Variants in SORCS3 observed in about 807,000 individuals in gnomAD.
The protein encoded by SORCS3 is VPS10 domain-containing receptor SorCS3.
Under a neutral mutation model 146.3 loss-of-function variants are expected in SORCS3, and 57 were observed. That is an observed-to-expected ratio of 0.39 (90% CI 0.31 to 0.49). SORCS3 has a LOEUF of 0.49. Ranked by LOEUF, SORCS3 falls within the 20% of genes least tolerant of loss-of-function variation. SORCS3 has a pLI of 0.92. For missense variants in SORCS3, 1,341 were observed against 1,575.5 expected (o/e 0.85, Z 2.52); for synonymous variants, 653 against 618.5 (o/e 1.06, Z -0.83).
chr10:105,188,501 T>C (rs1382375628), intron 14 of SORCS3, among the ~76,000 whole-genome samples: 1 of 152,122 alleles, frequency 6.6e-6, no homozygotes. Flanking sequence ...AATGCCCTGA[T>C]GAAATTAATA....
intron 7 of SORCS3, among the ~76,000 whole-genome samples, chr10:105,106,517 A>G (rs1307446838): frequency 6.6e-6 from 1 of 152,200 alleles, no homozygotes; most frequent in Non-Finnish European, 1.5e-5. Context: ...ACACTCTCTG[A>G]GAATGGTGAT....
At chr10:104,746,275 T>G (rs1001980872) in intron 1 of SORCS3, among the ~76,000 whole-genome samples, 3 of 151,994 alleles carry the variant, frequency 2.0e-5, no homozygotes, top group African/African-American at 7.2e-5. Context: ...TAGCTGGGAC[T>G]ACAGGTGCCC....
intron 7 of SORCS3, among the ~76,000 whole-genome samples, chr10:105,132,226 C>A (rs1016976548): frequency 6.6e-6 from 1 of 152,066 alleles, no homozygotes; most frequent in Non-Finnish European, 1.5e-5. Flanking sequence ...AACGTGTACA[C>A]AGGAATGGTT....
At chr10:105,242,841 T>TATTTTATATATAAATTATATATATATA (rs375286268) in intron 20 of SORCS3, among the ~76,000 whole-genome samples, 4 of 104,496 alleles carry the variant, frequency 3.8e-5, no homozygotes, top group Non-Finnish European at 6.8e-5. Flanking sequence ...TATATATATA[T>TATTTTATATATAAATTATATATATATA]TTTTATATAT....
intron 14 of SORCS3, among the ~76,000 whole-genome samples, chr10:105,189,429 C>T (rs1482543186): frequency 1.3e-5 from 2 of 152,176 alleles, no homozygotes; most frequent in African/African-American, 2.4e-5. Context: ...ACTGGTAGTG[C>T]ACATCTGTAG....
rs79237925 is a variant in SORCS3 at position 104,979,116 on chromosome 10, A to G, written c.954+1623A>G. Among the ~76,000 whole-genome samples the G allele has an allele frequency of 9.4e-3, 1,431 of 152,196 alleles. 24 individuals carry two copies. The highest frequency in any genetic ancestry group is 0.033 in the African/African-American group (1,383 of 41,502). On this transcript the variant is annotated intron_variant, in intron 4 of 26. Coordinates refer to ENST00000369701, the MANE Select transcript of SORCS3 (RefSeq NM_014978.3). Reference sequence around the variant, plus strand: ...CCCTTTTGATGTTCTTTTTCGTAGCACTATGTATCCCTCATTCAGAACACT... The same window carrying G: ...CCCTTTTGATGTTCTTTTTCGTAGCGCTATGTATCCCTCATTCAGAACACT...
chr10:105,232,270 G>A (rs1011438774), intron 20 of SORCS3, among the ~76,000 whole-genome samples: 1 of 152,070 alleles, frequency 6.6e-6, no homozygotes, highest in Non-Finnish European at 1.5e-5. Context: ...AGTTTTAACA[G>A]ATTGTGTCTT....
At chr10:105,166,772 T>C (rs1260493329) in intron 12 of SORCS3, among the ~76,000 whole-genome samples, 1 of 152,196 alleles carries the variant, frequency 6.6e-6, no homozygotes, top group Non-Finnish European at 1.5e-5. Flanking sequence ...TTTCAATTAT[T>C]AGTTTTACCA....
At chr10:104,757,869 A>G (rs1565417) in intron 1 of SORCS3, among the ~76,000 whole-genome samples, 2 of 11,762 alleles carry the variant, frequency 1.7e-4, no homozygotes, top group Admixed American at 6.5e-4. Flanking sequence ...CCCCCCCCCC[A>G]CACCCGCTGC....
At chr10:104,748,127 G>T (rs1014359963) in intron 1 of SORCS3, among the ~76,000 whole-genome samples, 2 of 152,168 alleles carry the variant, frequency 1.3e-5, no homozygotes, top group African/African-American at 4.8e-5. Context: ...CTCTGTTTTG[G>T]CAAATTCTGG....
chr10:104,938,809 A>G (rs1259286247), intron 3 of SORCS3, among the ~76,000 whole-genome samples: 2 of 152,084 alleles, frequency 1.3e-5, no homozygotes, highest in Non-Finnish European at 2.9e-5. Flanking sequence ...ACAGTGCAAC[A>G]TTTTTCTTGC....
intron 1 of SORCS3, among the ~76,000 whole-genome samples, chr10:104,800,861 T>C (rs1242638611): frequency 1.3e-5 from 2 of 152,148 alleles, no homozygotes; most frequent in Non-Finnish European, 1.5e-5. Context: ...AGCAAACACA[T>C]TTCCTTCCCA....
intron 4 of SORCS3, among the ~76,000 whole-genome samples, chr10:105,016,215 G>A (rs1357570633): frequency 2.1e-5 from 3 of 142,220 alleles, no homozygotes; most frequent in East Asian, 2.0e-4. Flanking sequence ...GCAGTGGCGC[G>A]ATCTCGGCTC....
intron 3 of SORCS3, among the ~76,000 whole-genome samples, chr10:104,921,616 G>A (rs149785235): frequency 2.0e-5 from 3 of 151,866 alleles, no homozygotes; most frequent in Non-Finnish European, 4.4e-5. Context: ...TAGGCACTGG[G>A]CTAAGTTCCT....
At chr10:105,179,182 C>T (rs1406547482) in intron 14 of SORCS3, among the ~76,000 whole-genome samples, 1 of 152,138 alleles carries the variant, frequency 6.6e-6, no homozygotes, top group African/African-American at 2.4e-5. Flanking sequence ...TATTTGAACT[C>T]ATTGCATCTT....
intron 2 of SORCS3, among the ~76,000 whole-genome samples, chr10:104,888,301 A>C (rs1329985613): frequency 6.6e-6 from 1 of 152,244 alleles, no homozygotes; most frequent in Admixed American, 6.5e-5. Context: ...CCACCAGAGC[A>C]AAGTGTGACT....
Position 104,727,642 on chromosome 10 carries a change from T to C in SORCS3, c.627+85688T>C, listed in dbSNP as rs543486109. Among the ~76,000 whole-genome samples, 8 of 152,196 alleles carry C rather than the reference T, an allele frequency of 5.3e-5. No individual in the cohort carries two copies. The South Asian group carries it at 1.7e-3, about 32-fold the overall frequency. Reference sequence around the variant, plus strand: ...TCCCTTCTAAGAATATACGTGTGTGTGTGCATCTCCTTTTTAGGGGTCCCC... The same window carrying C: ...TCCCTTCTAAGAATATACGTGTGTGCGTGCATCTCCTTTTTAGGGGTCCCC... On this transcript the variant is annotated intron_variant, in intron 1 of 26. Coordinates refer to ENST00000369701, the MANE Select transcript of SORCS3 (RefSeq NM_014978.3).
rs762766816 is a variant in SORCS3 at position 105,123,348 on chromosome 10, G to T, written c.1213-16049G>T. Reference sequence around the variant, plus strand: ...GATCGCTCCATTTAGTCAGACATAGGAAAGGGATTGCTGTTCAGAGGTATT... The same window carrying T: ...GATCGCTCCATTTAGTCAGACATAGTAAAGGGATTGCTGTTCAGAGGTATT... On this transcript the variant is annotated intron_variant, in intron 7 of 26. Coordinates refer to ENST00000369701, the MANE Select transcript of SORCS3 (RefSeq NM_014978.3). Among the ~76,000 whole-genome samples, 4 of 152,258 alleles carry T rather than the reference G, an allele frequency of 2.6e-5. No individual in the cohort carries two copies. The East Asian group carries it at 5.8e-4, about 22-fold the overall frequency.
chr10:104,931,374 A>G (rs1030554388), intron 3 of SORCS3, among the ~76,000 whole-genome samples: 1 of 152,214 alleles, frequency 6.6e-6, no homozygotes, highest in Non-Finnish European at 1.5e-5. Flanking sequence ...ATCTTTGTTC[A>G]GTAAACCTAG....
Sources: allele counts gnomAD v4.1 joint callset (sites outside exome capture counted in the v4.1 genomes callset), GRCh38; gene constraint gnomAD v4.1.1; transcripts MANE v1.5; gene names NCBI Gene and HGNC (gene_info 2026-07-23, HGNC 2026-07-21).